The following CSMD3 variants were observed in gnomAD, a reference collection of about 807,000 sequenced individuals.
CSMD3 encodes CUB and Sushi multiple domains 3.
A neutral mutation model predicts 435.2 loss-of-function variants in CSMD3; 177 were observed. The observed-to-expected ratio is 0.41, with a 90% confidence interval of 0.36 to 0.46. The LOEUF is 0.46. Ranked by LOEUF, CSMD3 falls within the 20% of genes least tolerant of loss-of-function variation. The pLI is 0.34. For synonymous variants in CSMD3, 1,656 were observed against 1,520.5 expected (o/e 1.09, Z -2.07); for missense variants, 4,265 against 4,504.6 (o/e 0.95, Z 1.52).
At chr8:112,886,915 A>T (rs1356875124) in intron 10 of CSMD3, among the ~76,000 whole-genome samples, 2 of 151,142 alleles carry the variant, frequency 1.3e-5, no homozygotes, top group Admixed American at 6.6e-5. Context: ...ATTATTACAT[A>T]TTTTTTTTCC....
intron 13 of CSMD3, among the ~76,000 whole-genome samples, chr8:112,759,132 G>T (rs1342189996): frequency 6.6e-6 from 1 of 152,168 alleles, no homozygotes; most frequent in Non-Finnish European, 1.5e-5. Flanking sequence ...GCAAGTTAGT[G>T]ATAAAAGGCC....
intron 27 of CSMD3, among the ~76,000 whole-genome samples, chr8:112,538,107 A>G (rs896524280): frequency 2.0e-4 from 31 of 152,186 alleles, no homozygotes; most frequent in African/African-American, 7.2e-4. Context: ...AAGCATTGCA[A>G]CAAATGCTAA....
At chr8:112,790,661 T>C (rs2078664676) in intron 13 of CSMD3, among the ~76,000 whole-genome samples, 1 of 152,090 alleles carries the variant, frequency 6.6e-6, no homozygotes. Context: ...CGATATAACC[T>C]ACTGAGAAAA....
chr8:112,286,157 T>C (rs755125721), intron 58 of CSMD3, among the ~76,000 whole-genome samples: 3 of 152,312 alleles, frequency 2.0e-5, no homozygotes, highest in Non-Finnish European at 4.4e-5. Flanking sequence ...TGTATGTTTC[T>C]ATATTTTTCC....
At chr8:113,082,448 A>T (rs1018154247) in intron 5 of CSMD3, among the ~76,000 whole-genome samples, 1 of 152,012 alleles carries the variant, frequency 6.6e-6, no homozygotes, top group South Asian at 2.1e-4. Context: ...AAACCAAAGC[A>T]CTCTGTCCAA....
At chr8:113,399,058 C>A (rs1296220210) in intron 1 of CSMD3, among the ~76,000 whole-genome samples, 1 of 117,004 alleles carries the variant, frequency 8.5e-6, no homozygotes, top group African/African-American at 3.4e-5. Flanking sequence ...AAAATCAAAA[C>A]CATACCCACA....
chr8:112,225,341 G>A (rs1052820460), intron 70 of CSMD3, among the ~76,000 whole-genome samples: 1 of 151,270 alleles, frequency 6.6e-6, no homozygotes, highest in African/African-American at 2.4e-5. Context: ...CTAGGCATTG[G>A]GTATATCATT....
chr8:113,136,136 C>G (rs1198709819), intron 4 of CSMD3, among the ~76,000 whole-genome samples: 1 of 151,662 alleles, frequency 6.6e-6, no homozygotes, highest in Non-Finnish European at 1.5e-5. Context: ...AGTTGGAAAA[C>G]AAGGAATGGT....
intron 4 of CSMD3, among the ~76,000 whole-genome samples, chr8:113,104,963 G>A (rs1346979772): frequency 6.6e-6 from 1 of 152,024 alleles, no homozygotes; most frequent in Non-Finnish European, 1.5e-5. Context: ...GAGAAAATGA[G>A]AGACAGTTAA....
At chr8:112,260,691 A>C (rs2130346560) in intron 61 of CSMD3, among the ~76,000 whole-genome samples, 1 of 152,192 alleles carries the variant, frequency 6.6e-6, no homozygotes, top group Admixed American at 6.5e-5. Context: ...ACTATTCAGA[A>C]CATAGTGATG....
At chr8:112,390,963 A>G (rs1415392215) in intron 35 of CSMD3, among the ~76,000 whole-genome samples, 175 bp from the exon 36 acceptor site, 1 of 152,230 alleles carries the variant, frequency 6.6e-6, no homozygotes, top group Non-Finnish European at 1.5e-5. Context: ...GGAAACGATA[A>G]CAAATAATTA....
intron 22 of CSMD3, among the ~76,000 whole-genome samples, chr8:112,611,891 C>A (rs1833286220): frequency 6.6e-6 from 1 of 152,104 alleles, no homozygotes; most frequent in South Asian, 2.1e-4. Context: ...TAAAATATTA[C>A]ATTTTAAACC....
Position 112,224,838 on chromosome 8 carries a change from G to A in CSMD3, c.11057C>T (p.Ala3686Val), listed in dbSNP as rs767462115. The stretch of plus-strand genomic sequence containing the variant: ...TACCGCCTTCCCTTCCACTGACTTT[G>A]CGTTGGTGTCATACATGGGATTTTC... ...AFENPMYDTN[A>V]KSVEGKAVRF... is the part of the protein sequence containing the mutation. Residue 3686 changes from alanine (A) to valine (V), a missense_variant, in exon 71 of 71, where the codon GCA becomes GTA. Physicochemically the swap from Ala to Val is moderately conservative, Grantham distance 64 (BLOSUM62 0). Transcript: ENST00000297405. 29 of 1,613,928 alleles carry A rather than the reference G, an allele frequency of 1.8e-5. No individual in the cohort carries two copies. Among genetic ancestry groups the A allele is most frequent in the Non-Finnish European group, 2.5e-5 (29 of 1,179,962 alleles).
At chr8:112,762,325 G>T (rs2077860320) in intron 13 of CSMD3, among the ~76,000 whole-genome samples, 1 of 151,856 alleles carries the variant, frequency 6.6e-6, no homozygotes, top group South Asian at 2.1e-4. Context: ...ATAAATAAAG[G>T]ATATCGGATT....
At chr8:113,384,919 T>C (rs1354639337) in intron 1 of CSMD3, among the ~76,000 whole-genome samples, 2 of 152,190 alleles carry the variant, frequency 1.3e-5, no homozygotes, top group African/African-American at 4.8e-5. Context: ...TGTTTTGTTT[T>C]GTTAGTCCCT....
rs1316671200 is a variant in CSMD3 at position 112,319,374 on chromosome 8, A to G, written c.7247-424T>C. Among the ~76,000 whole-genome samples, 7 of 152,298 alleles carry G rather than the reference A, an allele frequency of 4.6e-5. No homozygotes were observed. The East Asian group carries it at 1.3e-3, about 29-fold the overall frequency. ...ATAATGAATAATAAAAGTTTATTAC[A>G]GCAACATTAAGATGTCTTCGTATAT... On this transcript the variant is annotated intron_variant, in intron 46 of 70. Coordinates refer to ENST00000297405, the MANE Select transcript of CSMD3 (RefSeq NM_198123.2).
intron 12 of CSMD3, 34 bp downstream of exon 12, chr8:112,829,652 A>T: frequency 8.0e-7 from 1 of 1,248,900 alleles, no homozygotes; most frequent in Non-Finnish European, 1.2e-6. Context: ...AGTACCCGAT[A>T]GGCTAAGGCA....
intron 13 of CSMD3, among the ~76,000 whole-genome samples, chr8:112,783,086 G>T (rs373509148): frequency 6.6e-6 from 1 of 152,024 alleles, no homozygotes; most frequent in Non-Finnish European, 1.5e-5. Flanking sequence ...CATGTTTTTA[G>T]TGGGAAGGCT....
intron 61 of CSMD3, among the ~76,000 whole-genome samples, chr8:112,262,551 A>G (rs1268710797): frequency 6.6e-6 from 1 of 152,142 alleles, no homozygotes; most frequent in Non-Finnish European, 1.5e-5. Flanking sequence ...AGAATAAATA[A>G]AGCCTGGAAG....
Sources: gnomAD v4.1 joint callset for allele counts (sites outside exome capture counted in the v4.1 genomes callset) on GRCh38, gnomAD v4.1.1 for gene constraint, MANE v1.5 for transcripts, NCBI Gene and HGNC (gene_info 2026-07-23, HGNC 2026-07-21) for gene names.